LAMC3: variants seen among roughly 807,000 people sequenced by gnomAD.
The protein encoded by LAMC3 is laminin subunit gamma 3, also known as laminin subunit gamma-3.
A neutral mutation model predicts 173.8 loss-of-function variants in LAMC3; 128 were observed. The ratio of observed to expected loss-of-function variants is 0.74; its 90% CI spans 0.64 to 0.85. The LOEUF (loss-of-function observed/expected upper bound fraction) is 0.85. Among genes scored for constraint, LAMC3 ranks in the 40% least tolerant of loss-of-function variants. LAMC3 has a pLI of 0.00. For missense variants in LAMC3, 2,022 were observed against 2,156.0 expected (o/e 0.94, Z 1.23); for synonymous variants, 897 against 909.1 (o/e 0.99, Z 0.24).
At chr9:131,027,476 G>A (rs1042663067) in intron 2 of LAMC3, among the ~76,000 whole-genome samples, 5 of 152,292 alleles carry the variant, frequency 3.3e-5, no homozygotes, top group Middle Eastern at 3.4e-3. Flanking sequence ...CTGTAAGTCC[G>A]TGCCAACCAG....
chr9:131,057,181 G>A, intron 12 of LAMC3, 34 bp downstream of exon 12: 1 of 1,580,320 alleles, frequency 6.3e-7, no homozygotes, highest in East Asian at 2.2e-5. Flanking sequence ...GAAGGCACCT[G>A]GGTTATACCC....
chr9:131,069,078 G>T, intron 16 of LAMC3, 28 bp downstream of exon 16: 1 of 1,612,274 alleles, frequency 6.2e-7, no homozygotes, highest in Non-Finnish European at 8.5e-7. Context: ...TTCCCGGGCT[G>T]CCCTGAGGGT....
chr9:131,080,879 G>GT (rs1156481963), intron 23 of LAMC3, among the ~76,000 whole-genome samples: 4 of 152,152 alleles, frequency 2.6e-5, no homozygotes, highest in African/African-American at 9.7e-5. Flanking sequence ...GGCAGTACTA[G>GT]TGGCTCCTCA....
At chr9:131,054,314 C>T (rs1318158897) in intron 11 of LAMC3, among the ~76,000 whole-genome samples, 1 of 152,076 alleles carries the variant, frequency 6.6e-6, no homozygotes, top group Non-Finnish European at 1.5e-5. Context: ...GCTGGGATGC[C>T]CTGGAGAAGC....
intron 11 of LAMC3, among the ~76,000 whole-genome samples, chr9:131,053,434 ACAT>A (rs1391377318): frequency 1.3e-5 from 2 of 152,210 alleles, no homozygotes; most frequent in African/African-American, 4.8e-5. Flanking sequence ...AAGCCATCAC[ACAT>A]CATTGATGGG....
At chr9:131,030,766 G>T (rs1231755029) in intron 2 of LAMC3, among the ~76,000 whole-genome samples, 3 of 152,346 alleles carry the variant, frequency 2.0e-5, no homozygotes, top group Middle Eastern at 3.4e-3. Context: ...GCCACAGCGC[G>T]TTCAGCTCTG....
In LAMC3 at chr9:131,084,020, G is replaced by T. The variant is rs959194274; in HGVS notation, c.4031-1504G>T. ...CTCCTGAGTAGCTGGGATTACAGGT[G>T]CCCGCCACCACACCCGGCATTTTTT... On this transcript the variant is annotated intron_variant, in intron 24 of 27. Coordinates refer to ENST00000361069, the MANE Select transcript of LAMC3 (RefSeq NM_006059.4). 3.5e-4 allele frequency among the ~76,000 whole-genome samples: 52 copies of T among 147,100 alleles called. 1 individual carries two copies. In the South Asian group the frequency reaches 8.5e-3, roughly 24 times the overall value.
At chr9:131,076,133 G>A (rs1588166274) in intron 21 of LAMC3, among the ~76,000 whole-genome samples, 168 bp downstream of exon 21, 2 of 152,258 alleles carry the variant, frequency 1.3e-5, no homozygotes, top group East Asian at 3.9e-4. Flanking sequence ...CAGGGTCTTG[G>A]GCCCACTCGG....
intron 1 of LAMC3, among the ~76,000 whole-genome samples, chr9:131,017,247 T>C (rs950555578): frequency 3.9e-5 from 6 of 152,068 alleles, no homozygotes; most frequent in Admixed American, 2.6e-4. Context: ...GAGGGGAGCT[T>C]GGAGCCACTT....
chr9:131,067,362 C>T lies in LAMC3; in HGVS notation c.2593+157C>T, dbSNP rs142375651. On this transcript the variant is annotated intron_variant, in intron 14 of 27. Transcript: ENST00000361069. ...TCAGGCAGGTCACTTCCCTTCCTGT[C>T]TCCATGTCCAGAAAGCACAAGGGTT... is the stretch of plus-strand genomic sequence containing the variant. 3.2e-3 allele frequency among the ~76,000 whole-genome samples: 492 copies of T among 152,318 alleles called. 4 individuals carry two copies. Among genetic ancestry groups the T allele is most frequent in the Non-Finnish European group, 5.7e-3 (385 of 68,020 alleles).
chr9:131,032,073 T>A lies in LAMC3; in HGVS notation c.707T>A (p.Ile236Asn). 1.2e-6 allele frequency: 2 copies of A among 1,613,834 alleles called. No individual in the cohort carries two copies. Among genetic ancestry groups the A allele is most frequent in the Non-Finnish European group, 1.7e-6 (2 of 1,179,914 alleles). The stretch of plus-strand genomic sequence containing the variant: ...TGGGTCACCAGCACCGAACTCCTCA[T>A]CTCTCTAGACCGGCTCAACACGTTT... The part of the protein sequence containing the change: ...QEWVTSTELL[I>N]SLDRLNTFGD... Residue 236 changes from isoleucine (I) to asparagine (N), a missense_variant, in exon 3 of 28, where the codon ATC becomes AAC. By Grantham distance (149) the Ile-to-Asn change is moderately radical. Coordinates refer to ENST00000361069, the MANE Select transcript of LAMC3 (RefSeq NM_006059.4).
At chr9:131,010,238 T>C (rs1171309289) in intron 1 of LAMC3, among the ~76,000 whole-genome samples, 1 of 145,430 alleles carries the variant, frequency 6.9e-6, no homozygotes, top group Non-Finnish European at 1.5e-5. Context: ...GGCAGGAGGA[T>C]CACTTAAGAC....
chr9:131,048,594 A>G (rs1476658407), intron 8 of LAMC3, among the ~76,000 whole-genome samples: 1 of 152,124 alleles, frequency 6.6e-6, no homozygotes, highest in Non-Finnish European at 1.5e-5. Context: ...CTGAACTGGC[A>G]CTGGGGACCA....
At chr9:131,016,372 T>C (rs944670455) in intron 1 of LAMC3, among the ~76,000 whole-genome samples, 1 of 152,106 alleles carries the variant, frequency 6.6e-6, no homozygotes, top group African/African-American at 2.4e-5. Flanking sequence ...ATGGGTAAGA[T>C]GGTAAATGTC....
intron 18 of LAMC3, 98 bp downstream of exon 18, chr9:131,071,723 C>T: frequency 2.3e-6 from 3 of 1,313,264 alleles, no homozygotes; most frequent in Non-Finnish European, 3.0e-6. Context: ...CCTCCCAAAA[C>T]AGCCCTGTTG....
chr9:131,047,674 C>A (rs1229491909), intron 8 of LAMC3, among the ~76,000 whole-genome samples: 1 of 151,116 alleles, frequency 6.6e-6, no homozygotes, highest in Non-Finnish European at 1.5e-5. Context: ...ACCAGCCTGG[C>A]CAACATGACG....
At chr9:131,065,319 C>A (rs1829911650) in intron 13 of LAMC3, among the ~76,000 whole-genome samples, 1 of 152,162 alleles carries the variant, frequency 6.6e-6, no homozygotes, top group Non-Finnish European at 1.5e-5. Context: ...CACAGGTAAC[C>A]TGGAGGCTGG....
At chr9:131,046,068 T>G (rs1834149039) in intron 8 of LAMC3, among the ~76,000 whole-genome samples, 2 of 152,212 alleles carry the variant, frequency 1.3e-5, no homozygotes, top group Admixed American at 1.3e-4. Flanking sequence ...ATGCAAGGAT[T>G]CTCATTCCCC....
In LAMC3 at chr9:131,049,121, A is replaced by G. The variant is rs1486758224; in HGVS notation, c.1621A>G (p.Thr541Ala). 1 of 1,547,732 alleles carries G rather than the reference A, an allele frequency of 6.5e-7. No homozygotes were observed. ...GAGCCCAGAAGACGAGGAGGAGCTC[A>G]CAGCACCAGGTACCTCCAGCACCAG... is the stretch of plus-strand genomic sequence containing the variant. Reference protein sequence around the residue: ...LLSPEDEEELTAPEKFLGDQR... With the variant: ...LLSPEDEEELAAPEKFLGDQR... The change falls in exon 9 of 28, where the codon ACA (threonine) becomes GCA (alanine). Residue 541 changes from threonine (T) to alanine (A), a missense_variant. Thr to Ala is a moderately conservative substitution (Grantham distance 58, BLOSUM62 0). Coordinates refer to ENST00000361069, the MANE Select transcript of LAMC3 (RefSeq NM_006059.4).
Sources: gnomAD v4.1 joint callset for allele counts (sites outside exome capture counted in the v4.1 genomes callset) on GRCh38, gnomAD v4.1.1 for gene constraint, MANE v1.5 for transcripts, NCBI Gene and HGNC (gene_info 2026-07-23, HGNC 2026-07-21) for gene names.